Variants in FOXN2 observed in about 807,000 individuals in gnomAD.
FOXN2 encodes forkhead box N2.
In FOXN2, 19 loss-of-function variants were observed where a neutral mutation model predicts 41.2. The ratio of observed to expected loss-of-function variants is 0.46; its 90% CI spans 0.32 to 0.68. The LOEUF (loss-of-function observed/expected upper bound fraction) is 0.68. Among genes scored for constraint, FOXN2 ranks in the 30% least tolerant of loss-of-function variants. The probability of loss-of-function intolerance (pLI) is 0.03; values close to 1 mark genes in which losing one functional copy is unlikely to be tolerated. For missense variants in FOXN2, 587 were observed against 509.4 expected (o/e 1.15, Z -1.47); for synonymous variants, 195 against 176.8 (o/e 1.10, Z -0.82).
At chr2:48,318,031 A>T (rs1011659301) in intron 1 of FOXN2, among the ~76,000 whole-genome samples, 1 of 152,196 alleles carries the variant, frequency 6.6e-6, no homozygotes, top group Non-Finnish European at 1.5e-5. Flanking sequence ...TTTGATCCAT[A>T]TATACTTTAT....
intron 2 of FOXN2, among the ~76,000 whole-genome samples, chr2:48,331,713 G>T (rs1670029330): frequency 6.6e-6 from 1 of 151,702 alleles, no homozygotes. Flanking sequence ...GCTACTCAGG[G>T]AGCTGAGGTA....
intron 2 of FOXN2, 48 bp from the exon 3 acceptor site, chr2:48,346,153 G>A: frequency 1.4e-6 from 2 of 1,480,802 alleles, no homozygotes; most frequent in South Asian, 2.7e-5. Context: ...TTTTCCCAGA[G>A]TTTAAGAATC....
Position 48,377,268 on chromosome 2 carries a change from A to T in FOXN2, c.*1825A>T, listed in dbSNP as rs1231365615. 2 of 152,006 alleles carry T rather than the reference A, an allele frequency of 1.3e-5. No homozygotes were observed. The highest frequency in any genetic ancestry group is 4.8e-5 in the African/African-American group (2 of 41,426). The allele number at this position is 152,006 out of a possible 1,614,324, so 9.4% of individuals were successfully genotyped here. On this transcript the variant is annotated 3_prime_UTR_variant, in exon 7 of 7. Coordinates refer to ENST00000340553, the MANE Select transcript of FOXN2 (RefSeq NM_002158.4). ...CTACAGAAAATGGCTAAACCAAGTTAACTTTTATTATAGACAGTGAATAAA... is the reference window on the plus strand; with the variant it reads ...CTACAGAAAATGGCTAAACCAAGTTTACTTTTATTATAGACAGTGAATAAA...
chr2:48,333,206 T>C (rs946818745), intron 2 of FOXN2, among the ~76,000 whole-genome samples: 6 of 152,136 alleles, frequency 3.9e-5, no homozygotes, highest in Admixed American at 2.0e-4. Flanking sequence ...AGTTTCTGAT[T>C]TGAAGCCTCT....
intron 1 of FOXN2, among the ~76,000 whole-genome samples, chr2:48,319,098 TC>T (rs1190460568): frequency 1.3e-5 from 2 of 152,128 alleles, no homozygotes; most frequent in Non-Finnish European, 2.9e-5. Flanking sequence ...AGAAGAAAAT[TC>T]TTGCCTTCTT....
chr2:48,360,705 A>G (rs1672116232), intron 4 of FOXN2, among the ~76,000 whole-genome samples: 1 of 151,786 alleles, frequency 6.6e-6, no homozygotes, highest in South Asian at 2.1e-4. Context: ...AATTTTGGTT[A>G]TTATGAGGCA....
Position 48,375,027 on chromosome 2 carries a change from A to G in FOXN2, c.880A>G (p.Thr294Ala). Residue 294 changes from threonine to alanine, a missense_variant, in exon 7 of 7, where the codon ACC becomes GCC. Thr to Ala is a moderately conservative substitution (Grantham distance 58). Coordinates refer to ENST00000340553, the MANE Select transcript of FOXN2 (RefSeq NM_002158.4). ...VRLQESDSLA[T>A]SIDPKEDHNY... ...ATTACAAGAGAGTGATTCTTTAGCCACCAGCATTGATCCAAAAGAAGATCA... is the reference window on the plus strand; with the variant it reads ...ATTACAAGAGAGTGATTCTTTAGCCGCCAGCATTGATCCAAAAGAAGATCA... 6.2e-7 allele frequency: 1 copy of G among 1,614,084 alleles called. No homozygotes were observed. The highest frequency in any genetic ancestry group is 8.5e-7 in the Non-Finnish European group (1 of 1,179,984).
intron 3 of FOXN2, among the ~76,000 whole-genome samples, chr2:48,355,515 G>T (rs1671735688): frequency 6.6e-6 from 1 of 151,658 alleles, no homozygotes; most frequent in Non-Finnish European, 1.5e-5. Context: ...GATTTAGACA[G>T]AAAGAGATAC....
intron 4 of FOXN2, among the ~76,000 whole-genome samples, chr2:48,360,617 T>C (rs1180597503): frequency 1.3e-5 from 2 of 152,306 alleles, no homozygotes; most frequent in Middle Eastern, 3.4e-3. Context: ...CTGAGTGGTT[T>C]ATCTTTATGA....
chr2:48,334,714 G>T (rs1487959664), intron 2 of FOXN2, among the ~76,000 whole-genome samples: 4 of 152,134 alleles, frequency 2.6e-5, no homozygotes, highest in Non-Finnish European at 5.9e-5. Flanking sequence ...TGGGGCTCAG[G>T]GATCAGGAAG....
chr2:48,373,250 C>T lies in FOXN2; in HGVS notation c.704-42C>T. On this transcript the variant is annotated intron_variant, in intron 5 of 6. Coordinates refer to ENST00000340553, the MANE Select transcript of FOXN2 (RefSeq NM_002158.4). ...ATGCAAATACTTAGAATAGCCTCTC[C>T]TTTATAAAGAACATTAATATTATTA... 3.6e-6 allele frequency: 5 copies of T among 1,396,982 alleles called. No individual in the cohort carries two copies. In the South Asian group the frequency reaches 6.0e-5, roughly 17 times the overall value. 86.5% of individuals were successfully genotyped at this position (1,396,982 alleles called of 1,614,324 possible).
chr2:48,338,398 A>T (rs1305986808), intron 2 of FOXN2, among the ~76,000 whole-genome samples: 5 of 148,336 alleles, frequency 3.4e-5, no homozygotes, highest in Non-Finnish European at 7.5e-5. Context: ...GAAGGATGCC[A>T]TTTTTTTTTT....
chr2:48,337,458 C>G (rs1206092990), intron 2 of FOXN2, among the ~76,000 whole-genome samples: 1 of 151,922 alleles, frequency 6.6e-6, no homozygotes, highest in Non-Finnish European at 1.5e-5. Flanking sequence ...ACCACCATGC[C>G]CCACTAATTT....
intron 3 of FOXN2, among the ~76,000 whole-genome samples, chr2:48,349,906 T>C (rs189651686): frequency 1.3e-5 from 2 of 152,348 alleles, no homozygotes; most frequent in Non-Finnish European, 1.5e-5. Flanking sequence ...ATCAAATTAT[T>C]AAAGACCAAA....
At chr2:48,326,591 GTA>G (rs1360795209) in intron 1 of FOXN2, among the ~76,000 whole-genome samples, 2 of 152,174 alleles carry the variant, frequency 1.3e-5, no homozygotes, top group African/African-American at 4.8e-5. Context: ...TTCCATTCAT[GTA>G]TACTGGTTGA....
At chr2:48,348,436 A>T (rs543735793) in intron 3 of FOXN2, among the ~76,000 whole-genome samples, 1 of 152,192 alleles carries the variant, frequency 6.6e-6, no homozygotes, top group African/African-American at 2.4e-5. Flanking sequence ...CATATTAATT[A>T]TAGTTATTAT....
intron 3 of FOXN2, among the ~76,000 whole-genome samples, chr2:48,349,199 A>G (rs897885345): frequency 2.0e-5 from 3 of 152,172 alleles, no homozygotes; most frequent in African/African-American, 7.2e-5. Flanking sequence ...ATTGGATTCA[A>G]CTTTGGCTGA....
In FOXN2 at chr2:48,346,367, A is replaced by T. The variant is rs761663930; in HGVS notation, c.153A>T (p.Ser51=). The T allele has an allele frequency of 3.1e-6, 5 of 1,614,232 alleles. No individual in the cohort carries two copies. The South Asian group carries it at 5.5e-5, about 18-fold the overall frequency. The change falls in exon 3 of 7, where the codon TCA becomes TCT. Residue 51 remains serine, a synonymous_variant. Coordinates refer to ENST00000340553, the MANE Select transcript of FOXN2 (RefSeq NM_002158.4). The part of the protein sequence containing the change: ...RPKATLVDSE[S]ADDELTNLNW... The stretch of plus-strand genomic sequence containing the variant: ...AGGCCACTCTAGTGGACAGTGAGTC[A>T]GCAGATGATGAACTCACAAACTTGA...
intron 2 of FOXN2, among the ~76,000 whole-genome samples, chr2:48,332,784 T>G (rs908494417): frequency 2.6e-5 from 4 of 152,172 alleles, no homozygotes; most frequent in African/African-American, 9.7e-5. Context: ...CTGTTCTAAG[T>G]GCTTTATTTT....
Sources: gnomAD v4.1 joint callset for allele counts (sites outside exome capture counted in the v4.1 genomes callset) on GRCh38, gnomAD v4.1.1 for gene constraint, MANE v1.5 for transcripts, NCBI Gene and HGNC (gene_info 2026-07-23, HGNC 2026-07-21) for gene names.